Variants in LMO4 observed in about 807,000 individuals in gnomAD.
LMO4 encodes the protein LIM domain transcription factor LMO4.
A neutral mutation model predicts 18.5 loss-of-function variants in LMO4; 3 were observed. That is an observed-to-expected ratio of 0.16 (90% CI 0.07 to 0.42). The LOEUF (loss-of-function observed/expected upper bound fraction) is 0.42. Among genes scored for constraint, LMO4 ranks in the 10% least tolerant of loss-of-function variants. The probability of loss-of-function intolerance (pLI) is 0.99; values close to 1 mark genes in which losing one functional copy is unlikely to be tolerated. For synonymous variants in LMO4, 100 were observed against 88.1 expected, an observed-to-expected ratio of 1.14 and a Z score of -0.76; for missense variants, 121 against 219.9, an observed-to-expected ratio of 0.55 and a Z score of 2.84.
intron 2 of LMO4, among the ~76,000 whole-genome samples, chr1:87,334,599 G>A (rs1256760081): frequency 1.3e-5 from 2 of 152,194 alleles, no homozygotes; most frequent in African/African-American, 4.8e-5. Flanking sequence ...ACCACATAGC[G>A]ATTTACTGAG....
intron 2 of LMO4, 43 bp downstream of exon 2, chr1:87,332,294 T>C (rs1650178343): frequency 6.8e-7 from 1 of 1,473,912 alleles, no homozygotes; most frequent in African/African-American, 1.4e-5. Context: ...GGAAGAGCAA[T>C]GGCAAGGCCA....
At chr1:87,343,103 G>T (rs1008193839) in intron 4 of LMO4, among the ~76,000 whole-genome samples, 3 of 152,150 alleles carry the variant, frequency 2.0e-5, no homozygotes, top group African/African-American at 7.2e-5. Flanking sequence ...GCAATGAGTT[G>T]ATTATTCGAA....
intron 1 of LMO4, 33 bp from the exon 2 acceptor site, chr1:87,331,980 T>C (rs780129274): frequency 3.8e-5 from 59 of 1,566,392 alleles, no homozygotes; most frequent in Non-Finnish European, 4.9e-5. Context: ...CTGTTTTGTC[T>C]TTCTCTCCCT....
Position 87,328,899 on chromosome 1 carries a change from T to G in LMO4, c.-349T>G, listed in dbSNP as rs1650045068. The G allele has an allele frequency of 6.6e-6, 1 of 152,296 alleles. No homozygotes were observed. Among genetic ancestry groups the G allele is most frequent in the South Asian group, 1.9e-4 (1 of 5,294 alleles). 9.4% of individuals were successfully genotyped at this position (152,296 alleles called of 1,614,324 possible). ...AAACTTGCAGCAGCGATTGCAGCAG[T>G]TGCTGCCGCTGCGCCGCGCCTGAAG... On this transcript the variant is annotated 5_prime_UTR_variant, in exon 1 of 5. Coordinates refer to ENST00000370544, the MANE Select transcript of LMO4 (RefSeq NM_006769.4).
chr1:87,331,963 A>G (rs1001571685), intron 1 of LMO4, 50 bp from the exon 2 acceptor site: 1 of 1,450,772 alleles, frequency 6.9e-7, no homozygotes, highest in African/African-American at 1.4e-5. Flanking sequence ...TAACTTTTGC[A>G]TCGCCCCTGT....
chr1:87,339,775 G>A, intron 3 of LMO4, 143 bp downstream of exon 3: 1 of 671,788 alleles, frequency 1.5e-6, no homozygotes, highest in East Asian at 2.7e-5. Flanking sequence ...TAGCATGGCA[G>A]TGATGGTTAC....
intron 2 of LMO4, among the ~76,000 whole-genome samples, chr1:87,335,871 G>GAAAAAA (rs781402794): frequency 5.4e-5 from 7 of 129,874 alleles, no homozygotes; most frequent in African/African-American, 2.0e-4. Flanking sequence ...CTATTAGCTA[G>GAAAAAA]AAAAAAAAAA....
At chr1:87,330,640 T>G (rs1464816356) in intron 1 of LMO4, among the ~76,000 whole-genome samples, 1 of 151,330 alleles carries the variant, frequency 6.6e-6, no homozygotes, top group Non-Finnish European at 1.5e-5. Context: ...TCCTTCCTCG[T>G]TTTTTTTGCA....
intron 2 of LMO4, 72 bp downstream of exon 2, chr1:87,332,323 A>AG (rs895832792): frequency 1.6e-6 from 2 of 1,223,652 alleles, no homozygotes; most frequent in Non-Finnish European, 2.4e-6. Context: ...CAGGGTTGTG[A>AG]GGAAAGGAGT....
chr1:87,331,967 C>T, intron 1 of LMO4, 46 bp from the exon 2 acceptor site: 4 of 1,474,462 alleles, frequency 2.7e-6, no homozygotes, highest in South Asian at 2.3e-5. Context: ...TTTTGCATCG[C>T]CCCTGTTTTG....
chr1:87,334,806 C>T (rs1362185305), intron 2 of LMO4, among the ~76,000 whole-genome samples: 3 of 152,156 alleles, frequency 2.0e-5, no homozygotes, highest in Non-Finnish European at 2.9e-5. Flanking sequence ...TGCCTCCTCT[C>T]CCTCCAAGAT....
At chr1:87,337,177 C>G (rs757495835) in intron 2 of LMO4, among the ~76,000 whole-genome samples, 17 of 152,164 alleles carry the variant, frequency 1.1e-4, no homozygotes, top group Non-Finnish European at 2.4e-4. Context: ...CTGGGTAGAT[C>G]TTGGTCATTT....
chr1:87,340,617 T>C (rs1002637342), intron 4 of LMO4, among the ~76,000 whole-genome samples: 10 of 152,228 alleles, frequency 6.6e-5, no homozygotes, highest in Non-Finnish European at 1.5e-4. Flanking sequence ...AAGAATGATT[T>C]CTGCGTTAGG....
At chr1:87,331,890 T>C in intron 1 of LMO4, 123 bp from the exon 2 acceptor site, 2 of 775,056 alleles carry the variant, frequency 2.6e-6, no homozygotes, top group South Asian at 1.7e-5. Flanking sequence ...CTTGCCCTGC[T>C]GTTTCCTTCC....
chr1:87,348,617 C>T lies in LMO4; in HGVS notation c.*3821C>T, dbSNP rs1427338494. Reference sequence around the variant, plus strand: ...TACCTAGTTAAAGAGGCATTTGTAGCCCTCTGCTCCCATCGTGAACATGCT... The same window carrying T: ...TACCTAGTTAAAGAGGCATTTGTAGTCCTCTGCTCCCATCGTGAACATGCT... On this transcript the variant is annotated 3_prime_UTR_variant, in exon 5 of 5. Coordinates refer to ENST00000370544, the MANE Select transcript of LMO4 (RefSeq NM_006769.4). The T allele has an allele frequency of 4.5e-6, 2 of 448,384 alleles. No individual in the cohort carries two copies. Among genetic ancestry groups the T allele is most frequent in the South Asian group, 1.6e-5 (1 of 63,670 alleles). The allele number at this position is 448,384 out of a possible 1,614,324, so 27.8% of individuals were successfully genotyped here.
In LMO4 at chr1:87,346,891, G is replaced by T. The variant is rs1287897127; in HGVS notation, c.*2095G>T. 1 of 152,180 alleles carries T rather than the reference G, an allele frequency of 6.6e-6. No individual in the cohort carries two copies. 9.4% of individuals were successfully genotyped at this position (152,180 alleles called of 1,614,324 possible). A position where few individuals can be genotyped will look rare whatever the true frequency, so the allele number is the denominator to read the frequency against. Reference sequence around the variant, plus strand: ...TTTTCCTTTAAGGAACTTTCTGAAGGAAGTTAGACTGCGATGGTAAAGGGG... The same window carrying T: ...TTTTCCTTTAAGGAACTTTCTGAAGTAAGTTAGACTGCGATGGTAAAGGGG... On this transcript the variant is annotated 3_prime_UTR_variant, in exon 5 of 5. Coordinates refer to ENST00000370544, the MANE Select transcript of LMO4 (RefSeq NM_006769.4).
intron 2 of LMO4, among the ~76,000 whole-genome samples, chr1:87,334,922 T>A (rs1218039465): frequency 6.6e-6 from 1 of 152,124 alleles, no homozygotes; most frequent in Non-Finnish European, 1.5e-5. Context: ...TAATGAGATC[T>A]GGTCTCTGGC....
Position 87,339,570 on chromosome 1 carries a change from G to A in LMO4, c.271G>A (p.Gly91Arg), listed in dbSNP as rs149550347. ...AAATAGCGGTGCTTGCAGCGCTTGCGGACAGTCGATTCCTGCGAGTGAACT... is the reference window on the plus strand; with the variant it reads ...AAATAGCGGTGCTTGCAGCGCTTGCAGACAGTCGATTCCTGCGAGTGAACT... The part of the protein sequence containing the change: ...FGNSGACSAC[G>R]QSIPASELVM... The change falls in exon 3 of 5, where the codon GGA (glycine) becomes AGA (arginine). Residue 91 changes from glycine (G) to arginine (R), a missense_variant. Gly to Arg is a moderately radical substitution (Grantham distance 125). Coordinates refer to ENST00000370544, the MANE Select transcript of LMO4 (RefSeq NM_006769.4). 10 of 1,613,826 alleles carry A rather than the reference G, an allele frequency of 6.2e-6. No individual in the cohort carries two copies. The highest frequency in any genetic ancestry group is 5.0e-5 in the Admixed American group (3 of 60,010).
intron 2 of LMO4, among the ~76,000 whole-genome samples, chr1:87,333,929 C>A (rs1452344552): frequency 6.6e-6 from 1 of 150,710 alleles, no homozygotes. Flanking sequence ...TTCATCTCTT[C>A]TCCGAGTGCC....
Sources: gnomAD v4.1 joint callset for allele counts (sites outside exome capture counted in the v4.1 genomes callset) on GRCh38, gnomAD v4.1.1 for gene constraint, MANE v1.5 for transcripts, NCBI Gene and HGNC (gene_info 2026-07-23, HGNC 2026-07-21) for gene names.